Variants in GAB1 observed in about 807,000 individuals in gnomAD.
GAB1 encodes GRB2-associated-binding protein 1.
A neutral mutation model predicts 66.5 loss-of-function variants in GAB1; 19 were observed. The observed-to-expected ratio is 0.29, with a 90% CI of 0.20 to 0.42. The LOEUF (loss-of-function observed/expected upper bound fraction) is 0.42, where lower values mean the gene tolerates loss of function less well. GAB1 is among the 10% of genes least tolerant of loss of function. The pLI is 1.00. For missense variants in GAB1, 732 were observed against 858.5 expected (o/e 0.85, Z 1.84); for synonymous variants, 294 against 301.4 (o/e 0.98, Z 0.25).
In GAB1 at chr4:143,472,936, G is replaced by A. The variant is rs1314833985; in HGVS notation, c.*3747G>A. 1.3e-5 allele frequency: 2 copies of A among 152,134 alleles called. No individual in the cohort carries two copies. Among genetic ancestry groups the A allele is most frequent in the Non-Finnish European group, 2.9e-5 (2 of 68,022 alleles). 9.4% of individuals were successfully genotyped at this position (152,134 alleles called of 1,614,324 possible). ...ATAAATGAATATTGTGGACATCATG[G>A]ACTTGATATGATAGAAATCAATTGT... On this transcript the variant is annotated 3_prime_UTR_variant, in exon 10 of 10. Coordinates refer to ENST00000262994, the MANE Select transcript of GAB1 (RefSeq NM_002039.4).
At chr4:143,375,118 T>G (rs1730357981) in intron 1 of GAB1, among the ~76,000 whole-genome samples, 1 of 152,200 alleles carries the variant, frequency 6.6e-6, no homozygotes, top group African/African-American at 2.4e-5. Flanking sequence ...TGGCTAAGTT[T>G]TTGTATTTTA....
In GAB1 at chr4:143,440,267, T is replaced by A; in HGVS notation, c.1470T>A (p.Pro490=). 1.2e-6 allele frequency: 2 copies of A among 1,614,090 alleles called. No individual in the cohort carries two copies. Among genetic ancestry groups the A allele is most frequent in the Non-Finnish European group, 1.7e-6 (2 of 1,180,000 alleles). The change falls in exon 6 of 10, where the codon CCT becomes CCA. Residue 490 remains proline, a synonymous_variant. Transcript: ENST00000262994. ...TTTCCTCATTTGGAATGCAAGTTCC[T>A]CCTCCTGCTCATATGGGCTTCAGGT... ...FDFSSFGMQV[P]PPAHMGFRSS... is the part of the protein sequence containing the mutation.
rs187632577 is a variant in GAB1, at chr4:143,399,328, T to C, written c.73-16149T>C. On this transcript the variant is annotated intron_variant, in intron 1 of 9. Coordinates refer to ENST00000262994, the MANE Select transcript of GAB1 (RefSeq NM_002039.4). ...AAAAGTCCAAAGGTGCACAAGGAAA[T>C]AGTTAAACCTACCTAAGTTGAAACA... Among the ~76,000 whole-genome samples, 12 of 152,304 alleles carry C rather than the reference T, an allele frequency of 7.9e-5. No homozygotes were observed. In the East Asian group the frequency reaches 2.3e-3, roughly 29 times the overall value.
At chr4:143,337,693 G>C (rs564942552) in intron 1 of GAB1, among the ~76,000 whole-genome samples, 22 of 152,294 alleles carry the variant, frequency 1.4e-4, no homozygotes, top group Admixed American at 2.0e-4. Flanking sequence ...GGGCTCACTA[G>C]CCCTTTCTTT....
chr4:143,342,501 T>C (rs1411079918), intron 1 of GAB1, among the ~76,000 whole-genome samples: 2 of 151,502 alleles, frequency 1.3e-5, no homozygotes, highest in East Asian at 3.9e-4. Context: ...AGATAAGCTA[T>C]TGACAATTTG....
At position 143,415,555 on chromosome 4, in the gene GAB1, G is replaced by T. The variant is rs747107666; in HGVS notation, c.151G>T (p.Asp51Tyr). The T allele has an allele frequency of 3.1e-6, 5 of 1,613,298 alleles. No individual in the cohort carries two copies. The Admixed American group carries it at 8.3e-5, about 27-fold the overall frequency. Residue 51 changes from aspartate (D) to tyrosine (Y), a missense_variant, in exon 2 of 10, where the codon GAT (aspartate) becomes TAT (tyrosine). Coordinates refer to ENST00000262994, the MANE Select transcript of GAB1 (RefSeq NM_002039.4). ...AGATGTTTTGGAATATTACAAAAAT[G>T]ATCATGCCAAGAAGCCTATTCGTAT... Reference protein sequence around the residue: ...DPDVLEYYKNDHAKKPIRIID... With the variant: ...DPDVLEYYKNYHAKKPIRIID...
At chr4:143,380,153 G>A (rs955853473) in intron 1 of GAB1, among the ~76,000 whole-genome samples, 9 of 151,268 alleles carry the variant, frequency 5.9e-5, no homozygotes, top group Admixed American at 2.6e-4. Flanking sequence ...ATTGACATGG[G>A]CCTCAGTTTT....
At chr4:143,446,831 G>T (rs937208145) in intron 6 of GAB1, among the ~76,000 whole-genome samples, 2 of 150,258 alleles carry the variant, frequency 1.3e-5, no homozygotes, top group Admixed American at 1.3e-4. Flanking sequence ...GGCTTTTGTT[G>T]CCATTGCTTT....
intron 1 of GAB1, among the ~76,000 whole-genome samples, chr4:143,353,919 T>C (rs532685037): frequency 6.6e-6 from 1 of 152,336 alleles, no homozygotes; most frequent in South Asian, 2.1e-4. Flanking sequence ...CACAAGATTT[T>C]ATAGAATCTT....
intron 9 of GAB1, among the ~76,000 whole-genome samples, chr4:143,467,233 A>G (rs181542063): frequency 1.3e-5 from 2 of 152,326 alleles, no homozygotes; most frequent in African/African-American, 2.4e-5. Flanking sequence ...TTCTATTCCT[A>G]TGGAAAAATT....
intron 1 of GAB1, among the ~76,000 whole-genome samples, chr4:143,360,116 G>C (rs1222481219): frequency 6.6e-6 from 1 of 152,152 alleles, no homozygotes. Flanking sequence ...TTGTGCAAAT[G>C]ATCTAACTTT....
rs1256181258 is a variant in GAB1, at chr4:143,394,730, T to C, written c.73-20747T>C. On this transcript the variant is annotated intron_variant, in intron 1 of 9. Transcript: ENST00000262994. The stretch of plus-strand genomic sequence containing the variant: ...GTAGGGAAAGGACAAACTTAATTAT[T>C]TACAAAATGTAGACGATGGTTAAAA... 7 of 152,144 alleles carry C rather than the reference T, an allele frequency of 4.6e-5. No homozygotes were observed. In the East Asian group the frequency reaches 1.3e-3, roughly 29 times the overall value. The allele number at this position is 152,144 out of a possible 1,614,324, so 9.4% of individuals were successfully genotyped here.
chr4:143,423,483 G>C (rs889325517), intron 2 of GAB1, among the ~76,000 whole-genome samples: 13 of 152,046 alleles, frequency 8.6e-5, no homozygotes, highest in African/African-American at 2.9e-4. Flanking sequence ...GGATGATGAG[G>C]TCAGGAGATC....
At chr4:143,343,005 C>T (rs1728874300) in intron 1 of GAB1, among the ~76,000 whole-genome samples, 1 of 152,088 alleles carries the variant, frequency 6.6e-6, no homozygotes, top group South Asian at 2.1e-4. Flanking sequence ...ATTTGATGCA[C>T]CCACTGATGC....
intron 1 of GAB1, among the ~76,000 whole-genome samples, chr4:143,359,391 A>G (rs945862367): frequency 1.3e-5 from 2 of 152,194 alleles, no homozygotes; most frequent in African/African-American, 4.8e-5. Context: ...AAGCATTTTT[A>G]TCTGTCTTTA....
chr4:143,424,258 T>G (rs1346560052), intron 2 of GAB1, among the ~76,000 whole-genome samples: 2 of 152,216 alleles, frequency 1.3e-5, no homozygotes, highest in Non-Finnish European at 2.9e-5. Context: ...TTATTCCATT[T>G]TACCATGCCT....
At chr4:143,398,773 C>T (rs1366182721) in intron 1 of GAB1, among the ~76,000 whole-genome samples, 1 of 151,998 alleles carries the variant, frequency 6.6e-6, no homozygotes, top group East Asian at 1.9e-4. Context: ...ATAAAATGGG[C>T]AGCTGGCCAG....
intron 6 of GAB1, among the ~76,000 whole-genome samples, chr4:143,446,980 A>G (rs1218982352): frequency 1.3e-5 from 2 of 152,058 alleles, no homozygotes; most frequent in African/African-American, 4.8e-5. Context: ...TATAAGGTGT[A>G]AGGAAGGGAT....
intron 2 of GAB1, among the ~76,000 whole-genome samples, chr4:143,416,855 A>G (rs1732719805): frequency 6.6e-6 from 1 of 152,204 alleles, no homozygotes; most frequent in Admixed American, 6.5e-5. Context: ...TTTATATCCC[A>G]CTGCTCAAGG....
Sources: gnomAD v4.1 joint callset for allele counts (sites outside exome capture counted in the v4.1 genomes callset) on GRCh38, gnomAD v4.1.1 for gene constraint, MANE v1.5 for transcripts, NCBI Gene and HGNC (gene_info 2026-07-23, HGNC 2026-07-21) for gene names.